Variants in EIF2AK3 observed in about 807,000 individuals in gnomAD.
The protein encoded by EIF2AK3 is eukaryotic translation initiation factor 2-alpha kinase 3.
Under a neutral mutation model 113.5 loss-of-function variants are expected in EIF2AK3, and 50 were observed. That is an observed-to-expected ratio of 0.44 (90% CI 0.35 to 0.56). The LOEUF (loss-of-function observed/expected upper bound fraction) is 0.56. Ranked by LOEUF, EIF2AK3 falls within the 20% of genes least tolerant of loss-of-function variation. EIF2AK3 has a pLI of 0.00. For synonymous variants in EIF2AK3, 448 were observed against 495.4 expected, an observed-to-expected ratio of 0.90 and a Z score of 1.27; for missense variants, 1,185 against 1,378.0, an observed-to-expected ratio of 0.86 and a Z score of 2.22.
chr2:88,606,848 C>T (rs1675291820), intron 2 of EIF2AK3, among the ~76,000 whole-genome samples: 1 of 152,206 alleles, frequency 6.6e-6, no homozygotes, highest in African/African-American at 2.4e-5. Context: ...GTTTCTGCAC[C>T]TGTCTGAAAC....
intron 1 of EIF2AK3, among the ~76,000 whole-genome samples, chr2:88,618,916 C>T (rs1329837087): frequency 6.6e-6 from 1 of 152,160 alleles, no homozygotes; most frequent in East Asian, 1.9e-4. Context: ...ACAAAAGCCA[C>T]CGTTGTGGCC....
intron 15 of EIF2AK3, among the ~76,000 whole-genome samples, chr2:88,560,455 G>A (rs892294803): frequency 3.9e-5 from 6 of 151,992 alleles, no homozygotes; most frequent in Admixed American, 3.9e-4. Flanking sequence ...GTCTCATGGT[G>A]CCCAGGCTAT....
chr2:88,577,817 C>T (rs1341939763), intron 11 of EIF2AK3, among the ~76,000 whole-genome samples: 1 of 152,170 alleles, frequency 6.6e-6, no homozygotes, highest in African/African-American at 2.4e-5. Context: ...TGCACTTGGC[C>T]ATCCCTCCCC....
intron 1 of EIF2AK3, among the ~76,000 whole-genome samples, chr2:88,616,466 G>A (rs1419450992): frequency 1.3e-5 from 2 of 151,924 alleles, no homozygotes; most frequent in Admixed American, 6.6e-5. Flanking sequence ...CGCTCTTGTC[G>A]CCCAGGCTGG....
At chr2:88,613,174 C>T (rs1288923093) in intron 2 of EIF2AK3, among the ~76,000 whole-genome samples, 1 of 152,022 alleles carries the variant, frequency 6.6e-6, no homozygotes, top group African/African-American at 2.4e-5. Flanking sequence ...ATTTTGGAAG[C>T]GAGGTCTCTT....
Position 88,627,251 on chromosome 2 carries a change from C to G in EIF2AK3, c.24G>C (p.Gly8=), listed in dbSNP as rs1675894347. ...GCAGCAGCAGCGCCCGTACCAGCAG[C>G]CCCGGGCTGATGGCGCGCTCCATCA... The part of the protein sequence containing the change: MERAISP[G]LLVRALLLLL... Residue 8 remains glycine, a synonymous_variant, in exon 1 of 17, where the codon GGG becomes GGC. Transcript: ENST00000303236. The G allele has an allele frequency of 6.7e-7, 1 of 1,487,160 alleles. No individual in the cohort carries two copies. Among genetic ancestry groups the G allele is most frequent in the Non-Finnish European group, 8.9e-7 (1 of 1,124,720 alleles). The allele number at this position is 1,487,160 out of a possible 1,614,324, so 92.1% of individuals were successfully genotyped here.
intron 14 of EIF2AK3, among the ~76,000 whole-genome samples, chr2:88,563,770 T>C (rs1674026604): frequency 1.3e-5 from 2 of 152,188 alleles, no homozygotes; most frequent in South Asian, 2.1e-4. Context: ...ATATGGGAAA[T>C]ACTTATATTT....
chr2:88,590,061 C>A (rs1244930951), intron 6 of EIF2AK3, among the ~76,000 whole-genome samples: 1 of 152,090 alleles, frequency 6.6e-6, no homozygotes, highest in African/African-American at 2.4e-5. Context: ...GTGGTGAAAT[C>A]CCATCTCTAC....
At position 88,585,945 on chromosome 2, in the gene EIF2AK3, C is replaced by T; in HGVS notation, c.1546G>A (p.Val516Ile). The T allele has an allele frequency of 6.2e-7, 1 of 1,614,096 alleles. No individual in the cohort carries two copies. The highest frequency in any genetic ancestry group is 8.5e-7 in the Non-Finnish European group (1 of 1,179,982). Residue 516 changes from valine to isoleucine, a missense_variant, in exon 9 of 17, where the codon GTT becomes ATT. Transcript: ENST00000303236. ...TCTTTCCACCAGTGTAAAAGAAGAA[C>T]AGGATCCTTTTTGCGGATATTCTTG... ...YNKNIRKKDP[V>I]LLLHWWKEIV... is the part of the protein sequence containing the mutation.
At chr2:88,563,943 A>G (rs962813851) in intron 14 of EIF2AK3, among the ~76,000 whole-genome samples, 2 of 152,142 alleles carry the variant, frequency 1.3e-5, no homozygotes, top group Admixed American at 6.5e-5. Flanking sequence ...ATATGTCCCT[A>G]TACTTTCTGT....
At chr2:88,616,655 G>A (rs2103973422) in intron 1 of EIF2AK3, among the ~76,000 whole-genome samples, 1 of 152,190 alleles carries the variant, frequency 6.6e-6, no homozygotes, top group Middle Eastern at 3.4e-3. Flanking sequence ...TTGAACTCCT[G>A]ACCTGAGGTG....
chr2:88,616,232 C>G (rs570031088), intron 1 of EIF2AK3, among the ~76,000 whole-genome samples: 27 of 152,270 alleles, frequency 1.8e-4, no homozygotes, highest in African/African-American at 6.5e-4. Flanking sequence ...TGCAGACATA[C>G]ATACCTAACC....
Position 88,627,425 on chromosome 2 carries a change from C to T in EIF2AK3, c.-151G>A. 2 of 994,130 alleles carry T rather than the reference C, an allele frequency of 2.0e-6. No homozygotes were observed. The highest frequency in any genetic ancestry group is 2.6e-6 in the Non-Finnish European group (2 of 756,220). 61.6% of individuals were successfully genotyped at this position (994,130 alleles called of 1,614,324 possible). A position where few individuals can be genotyped will look rare whatever the true frequency, so the allele number is the denominator to read the frequency against. On this transcript the variant is annotated 5_prime_UTR_variant, in exon 1 of 17. Coordinates refer to ENST00000303236, the MANE Select transcript of EIF2AK3 (RefSeq NM_004836.7). ...GCCAGCCGTGTTCCCCTGGCCACGT[C>T]TCAGCCCGGCCTCTGCCGCTGCCAC...
intron 12 of EIF2AK3, among the ~76,000 whole-genome samples, chr2:88,576,336 T>G (rs1674456214): frequency 6.6e-6 from 1 of 152,112 alleles, no homozygotes; most frequent in Non-Finnish European, 1.5e-5. Context: ...CACCTCGGCC[T>G]CCCAAAGTGC....
At position 88,585,949 on chromosome 2, in the gene EIF2AK3, A is replaced by G; in HGVS notation, c.1542T>C (p.Asp514=). The change falls in exon 9 of 17, where the codon GAT becomes GAC. Residue 514 remains aspartate (D), a synonymous_variant. Coordinates refer to ENST00000303236, the MANE Select transcript of EIF2AK3 (RefSeq NM_004836.7). Reference sequence around the variant, plus strand: ...TCCACCAGTGTAAAAGAAGAACAGGATCCTTTTTGCGGATATTCTTGTTGT... The same window carrying G: ...TCCACCAGTGTAAAAGAAGAACAGGGTCCTTTTTGCGGATATTCTTGTTGT... ...PHYNKNIRKK[D]PVLLLHWWKE... 1 of 1,614,144 alleles carries G rather than the reference A, an allele frequency of 6.2e-7. No homozygotes were observed. Among genetic ancestry groups the G allele is most frequent in the Non-Finnish European group, 8.5e-7 (1 of 1,179,998 alleles).
At chr2:88,619,757 C>T (rs1343304420) in intron 1 of EIF2AK3, among the ~76,000 whole-genome samples, 7 of 152,126 alleles carry the variant, frequency 4.6e-5, no homozygotes, top group African/African-American at 1.7e-4. Flanking sequence ...AGTTCAAGAC[C>T]AACCCGGCCA....
chr2:88,557,701 G>A lies in EIF2AK3; in HGVS notation c.*35C>T, dbSNP rs1398079906. On this transcript the variant is annotated 3_prime_UTR_variant, in exon 17 of 17. Transcript: ENST00000303236. The stretch of plus-strand genomic sequence containing the variant: ...TATTCTAAGAAGTAGGCTATTATCT[G>A]CATCACCTATTAGGGTTGCTAGCAC... 6.2e-7 allele frequency: 1 copy of A among 1,603,306 alleles called. No individual in the cohort carries two copies. The highest frequency in any genetic ancestry group is 8.5e-7 in the Non-Finnish European group (1 of 1,170,126).
Position 88,598,006 on chromosome 2 carries a change from G to A in EIF2AK3, c.439-2343C>T, listed in dbSNP as rs370730819. Among the ~76,000 whole-genome samples, 196 of 152,262 alleles carry A rather than the reference G, an allele frequency of 1.3e-3. 6 individuals carry two copies. The South Asian group carries it at 0.029, about 23-fold the overall frequency. On this transcript the variant is annotated intron_variant, in intron 2 of 16. Coordinates refer to ENST00000303236, the MANE Select transcript of EIF2AK3 (RefSeq NM_004836.7). ...AATGGCAGATTCCAGGGCTGGGGCA[G>A]TGTAGATGTGAGATGAGCCTTTACC...
At chr2:88,611,379 G>A (rs1020566478) in intron 2 of EIF2AK3, among the ~76,000 whole-genome samples, 3 of 152,110 alleles carry the variant, frequency 2.0e-5, no homozygotes, top group African/African-American at 4.8e-5. Context: ...TGGGAACAAC[G>A]TTATATCATC....
Sources: gnomAD v4.1 joint callset for allele counts (sites outside exome capture counted in the v4.1 genomes callset) on GRCh38, gnomAD v4.1.1 for gene constraint, MANE v1.5 for transcripts, NCBI Gene and HGNC (gene_info 2026-07-23, HGNC 2026-07-21) for gene names.